The following CFAP69 variants were observed in gnomAD, a reference collection of about 807,000 sequenced individuals.
The protein encoded by CFAP69 is cilia- and flagella-associated protein 69.
CFAP69 carries 92 observed loss-of-function variants against 123.0 expected under a neutral mutation model. That is an observed-to-expected ratio of 0.75 (90% CI 0.63 to 0.89). The LOEUF is 0.89. Among genes scored for constraint, CFAP69 ranks in the 40% least tolerant of loss-of-function variants. The probability of loss-of-function intolerance (pLI) is 0.00; values close to 1 mark genes in which losing one functional copy is unlikely to be tolerated. For synonymous variants in CFAP69, 380 were observed against 364.3 expected (o/e 1.04, Z -0.49); for missense variants, 1,067 against 1,096.9 (o/e 0.97, Z 0.39).
At chr7:90,271,710 C>T in intron 7 of CFAP69, 35 bp downstream of exon 7, 1 of 1,596,974 alleles carries the variant, frequency 6.3e-7, no homozygotes, top group Non-Finnish European at 8.5e-7. Flanking sequence ...ACTTCATTGT[C>T]AACTACTTTT....
chr7:90,314,871 C>G (rs967386881), downstream of CFAP69, among the ~76,000 whole-genome samples: 1 of 151,570 alleles, frequency 6.6e-6, no homozygotes, highest in African/African-American at 2.4e-5. Context: ...CGCTCCCCCC[C>G]CTGCTTTAAA....
intron 11 of CFAP69, among the ~76,000 whole-genome samples, chr7:90,277,988 C>A (rs1229744683): frequency 6.6e-6 from 1 of 152,058 alleles, no homozygotes; most frequent in African/African-American, 2.4e-5. Flanking sequence ...CGTGAAGTTG[C>A]TATGAAGGCT....
At chr7:90,290,845 A>G (rs960353861) in intron 15 of CFAP69, among the ~76,000 whole-genome samples, 1 of 149,964 alleles carries the variant, frequency 6.7e-6, no homozygotes, top group Admixed American at 6.7e-5. Context: ...CTATGTTTAG[A>G]AAGGGGACAC....
At chr7:90,290,699 A>G (rs1256125904) in intron 15 of CFAP69, among the ~76,000 whole-genome samples, 3 of 152,172 alleles carry the variant, frequency 2.0e-5, no homozygotes, top group African/African-American at 7.2e-5. Context: ...ATGATGAAAC[A>G]GGCAGTAGAA....
At position 90,268,206 on chromosome 7, in the gene CFAP69, T is replaced by C. The variant is rs1034396047; in HGVS notation, c.434-80T>C. ...GAGAATATTTTTAATAATCATCATATTATTAACATTTTATGCCTAAATTCT... is the reference window on the plus strand; with the variant it reads ...GAGAATATTTTTAATAATCATCATACTATTAACATTTTATGCCTAAATTCT... On this transcript the variant is annotated intron_variant, in intron 5 of 22. Transcript: ENST00000389297. 6 of 805,968 alleles carry C rather than the reference T, an allele frequency of 7.4e-6. No individual in the cohort carries two copies. In the African/African-American group the frequency reaches 1.1e-4, roughly 14 times the overall value. 49.9% of individuals were successfully genotyped at this position (805,968 alleles called of 1,614,324 possible). A position where few individuals can be genotyped will look rare whatever the true frequency, so the allele number is the denominator to read the frequency against.
At chr7:90,259,392 G>A (rs1006317787) in intron 3 of CFAP69, among the ~76,000 whole-genome samples, 2 of 152,206 alleles carry the variant, frequency 1.3e-5, no homozygotes, top group African/African-American at 4.8e-5. Context: ...GTGAACAACT[G>A]AGTGAGACCC....
chr7:90,297,190 G>A (rs1792115527), intron 15 of CFAP69, among the ~76,000 whole-genome samples: 1 of 152,210 alleles, frequency 6.6e-6, no homozygotes, highest in Non-Finnish European at 1.5e-5. Context: ...GCTGTGAAGA[G>A]TCTGTTTTTT....
At chr7:90,294,252 C>T (rs1330714546) in intron 15 of CFAP69, among the ~76,000 whole-genome samples, 1 of 152,116 alleles carries the variant, frequency 6.6e-6, no homozygotes, top group Non-Finnish European at 1.5e-5. Context: ...AAACCTGATA[C>T]CTGATCTGCA....
intron 2 of CFAP69, among the ~76,000 whole-genome samples, chr7:90,257,591 CT>C (rs1261936300): frequency 6.6e-6 from 1 of 152,158 alleles, no homozygotes; most frequent in Non-Finnish European, 1.5e-5. Context: ...ATGAGAACAA[CT>C]TTTTTAGCTT....
At chr7:90,323,330 G>A in the CFAP69 span, among the ~76,000 whole-genome samples, 21 of 152,118 alleles carry the variant, frequency 1.4e-4, no homozygotes, top group Non-Finnish European at 1.8e-4. Flanking sequence ...GGGAAAAGGC[G>A]GATGGAGGCA....
At chr7:90,301,717 T>C (rs185409398) in intron 17 of CFAP69, 1 of 152,322 alleles carries the variant, frequency 6.6e-6, no homozygotes, top group African/African-American at 2.4e-5. Context: ...ATTTTCTTTA[T>C]CCAGTCTGTC....
intron 5 of CFAP69, 63 bp from the exon 6 acceptor site, chr7:90,268,223 C>T: frequency 6.8e-6 from 7 of 1,033,498 alleles, no homozygotes; most frequent in South Asian, 3.0e-5. Flanking sequence ...CATTTTATGC[C>T]TAAATTCTAC....
chr7:90,314,808 G>A (rs1794632229), downstream of CFAP69, among the ~76,000 whole-genome samples: 1 of 151,744 alleles, frequency 6.6e-6, no homozygotes, highest in African/African-American at 2.4e-5. Flanking sequence ...CCATGCTGGT[G>A]CGCTGCACCC....
intron 6 of CFAP69, among the ~76,000 whole-genome samples, chr7:90,270,661 G>A (rs17862139): frequency 0.063 from 9,566 of 152,090 alleles, 377 homozygotes; most frequent in Non-Finnish European, 0.091. Flanking sequence ...AGATACCTCA[G>A]AACTAGGGCA....
intron 1 of CFAP69, among the ~76,000 whole-genome samples, chr7:90,249,608 T>C (rs1384240480): frequency 6.6e-6 from 1 of 152,204 alleles, no homozygotes; most frequent in Non-Finnish European, 1.5e-5. Flanking sequence ...CTTAATCATA[T>C]GTTGAAATCA....
chr7:90,251,519 A>G (rs966006422), intron 1 of CFAP69, among the ~76,000 whole-genome samples: 1 of 152,220 alleles, frequency 6.6e-6, no homozygotes, highest in Non-Finnish European at 1.5e-5. Context: ...TAGTCTGACC[A>G]GTTTTGTTTA....
rs1192779377 is a variant in CFAP69, at chr7:90,288,180, G to A, written c.1657-54G>A. On this transcript the variant is annotated intron_variant, in intron 14 of 22. Coordinates refer to ENST00000389297, the MANE Select transcript of CFAP69 (RefSeq NM_001039706.3). ...TTAGGGGACCGATAAAGTAGGAAAG[G>A]GAGGAATTATTTATTTATTTCAAGA... 8 of 1,422,578 alleles carry A rather than the reference G, an allele frequency of 5.6e-6. No individual in the cohort carries two copies. The African/African-American group carries it at 5.7e-5, about 10-fold the overall frequency. The allele number at this position is 1,422,578 out of a possible 1,614,324, so 88.1% of individuals were successfully genotyped here.
In CFAP69 at chr7:90,304,805, A is replaced by C; in HGVS notation, c.2250A>C (p.Arg750Ser). The C allele has an allele frequency of 6.7e-7, 1 of 1,501,582 alleles. No individual in the cohort carries two copies. The highest frequency in any genetic ancestry group is 9.2e-7 in the Non-Finnish European group (1 of 1,089,922). The allele number at this position is 1,501,582 out of a possible 1,614,324, so 93.0% of individuals were successfully genotyped here. Residue 750 changes from arginine (R) to serine (S), a missense_variant, in exon 19 of 23, where the codon AGA becomes AGC. Transcript: ENST00000389297. ...TTGTCACCCTTTGTATCATACATAG[A>C]TATCTTGATTTTAAAGTAAGTATCT... ...EDFVTLCIIH[R>S]YLDFKIGEIW...
At chr7:90,304,714 G>C (rs1347985316) in intron 18 of CFAP69, 30 bp from the exon 19 acceptor site, 1 of 1,590,622 alleles carries the variant, frequency 6.3e-7, no homozygotes, top group Non-Finnish European at 8.5e-7. Flanking sequence ...CTCTGCTAAA[G>C]TAATTCTGTC....
Sources: gnomAD v4.1 joint callset for allele counts (sites outside exome capture counted in the v4.1 genomes callset) on GRCh38, gnomAD v4.1.1 for gene constraint, MANE v1.5 for transcripts, NCBI Gene and HGNC (gene_info 2026-07-23, HGNC 2026-07-21) for gene names.